LAMA2: variants seen among roughly 807,000 people sequenced by gnomAD.
LAMA2 encodes the protein laminin subunit alpha-2.
LAMA2 carries 269 observed loss-of-function variants against 364.8 expected under a neutral mutation model. The ratio of observed to expected loss-of-function variants is 0.74; its 90% CI spans 0.67 to 0.82. The LOEUF is 0.82. LAMA2 is among the 40% of genes least tolerant of loss of function. The pLI is 0.00. For synonymous variants in LAMA2, 1,379 were observed against 1,370.6 expected, an observed-to-expected ratio of 1.01 and a Z score of -0.14; for missense variants, 3,807 against 3,873.2, an observed-to-expected ratio of 0.98 and a Z score of 0.45.
intron 2 of LAMA2, among the ~76,000 whole-genome samples, chr6:129,053,164 C>T (rs1008839183): frequency 3.9e-5 from 6 of 152,162 alleles, no homozygotes; most frequent in South Asian, 2.1e-4. Context: ...CCGCAACCTC[C>T]GCCTCCCGGG....
At chr6:129,272,438 T>G (rs561018326) in intron 17 of LAMA2, among the ~76,000 whole-genome samples, 4 of 152,178 alleles carry the variant, frequency 2.6e-5, no homozygotes, top group Non-Finnish European at 4.4e-5. Flanking sequence ...ATGAACCCAA[T>G]CTAAGAGCTG....
chr6:129,275,724 T>TAAA (rs5879937), intron 17 of LAMA2, among the ~76,000 whole-genome samples: 5 of 144,532 alleles, frequency 3.5e-5, no homozygotes, highest in South Asian at 4.3e-4. Context: ...TAAAAATTTG[T>TAAA]AAAAAAAAAA....
chr6:129,231,075 C>A (rs541230062), intron 12 of LAMA2, among the ~76,000 whole-genome samples: 1 of 152,096 alleles, frequency 6.6e-6, no homozygotes, highest in African/African-American at 2.4e-5. Context: ...GTATATAATC[C>A]TTGACAGTGC....
intron 9 of LAMA2, among the ~76,000 whole-genome samples, chr6:129,175,263 C>G (rs1388013284): frequency 1.3e-5 from 2 of 152,142 alleles, no homozygotes; most frequent in Non-Finnish European, 2.9e-5. Flanking sequence ...CAGACACCCA[C>G]CAGTTGTGCT....
intron 40 of LAMA2, among the ~76,000 whole-genome samples, chr6:129,421,543 C>T (rs1318140727): frequency 6.6e-6 from 1 of 152,112 alleles, no homozygotes; most frequent in East Asian, 1.9e-4. Flanking sequence ...AATGCTGCTT[C>T]ATCACCTGTC....
At chr6:129,155,050 C>T (rs1779027890) in intron 8 of LAMA2, among the ~76,000 whole-genome samples, 1 of 152,088 alleles carries the variant, frequency 6.6e-6, no homozygotes, top group African/African-American at 2.4e-5. Context: ...AAGATTTATC[C>T]ATGTTGTTTG....
chr6:129,505,295 C>T lies in LAMA2; in HGVS notation c.8643C>T (p.Val2881=), dbSNP rs774742319. ...ISPKKADILD[V]VGMLYVGGLP... ...CCAAAAAAGCCGACATCCTGGATGT[C>T]GTGGGAATGCTGTATGTTGGTGGGT... The change falls in exon 61 of 65, where the codon GTC becomes GTT. Residue 2881 remains valine, a synonymous_variant. Transcript: ENST00000421865. 3.1e-6 allele frequency: 5 copies of T among 1,613,650 alleles called. No homozygotes were observed. The highest frequency in any genetic ancestry group is 2.2e-5 in the East Asian group (1 of 44,868).
In LAMA2 at chr6:129,132,307, C is replaced by T. The variant is rs1238221173; in HGVS notation, c.640-11594C>T. 6.7e-4 allele frequency among the ~76,000 whole-genome samples: 102 copies of T among 152,064 alleles called. 1 individual carries two copies. The highest frequency in any genetic ancestry group is 2.2e-4 in the Non-Finnish European group (15 of 68,024). On this transcript the variant is annotated intron_variant, in intron 4 of 64. Transcript: ENST00000421865. The stretch of plus-strand genomic sequence containing the variant: ...TCAGCCTCCTGAGTAGCTAGGACTA[C>T]AGGCGCCCGCCACCACGCCTGGCTA...
chr6:129,340,280 AT>A (rs1463259905), intron 29 of LAMA2, among the ~76,000 whole-genome samples: 1 of 152,162 alleles, frequency 6.6e-6, no homozygotes, highest in Non-Finnish European at 1.5e-5. Context: ...TTGTCAAGCA[AT>A]TTGAGACCTC....
chr6:129,167,008 C>A (rs1779784486), intron 9 of LAMA2, among the ~76,000 whole-genome samples: 1 of 151,916 alleles, frequency 6.6e-6, no homozygotes, highest in Admixed American at 6.6e-5. Context: ...AATACTTATT[C>A]CATATAATTA....
intron 1 of LAMA2, among the ~76,000 whole-genome samples, chr6:128,911,931 T>A (rs1777994649): frequency 6.6e-6 from 1 of 152,206 alleles, no homozygotes; most frequent in African/African-American, 2.4e-5. Context: ...TTTCACCCAG[T>A]CTACTGTCTG....
chr6:129,371,692 C>T (rs139517689), intron 34 of LAMA2, among the ~76,000 whole-genome samples: 23 of 151,554 alleles, frequency 1.5e-4, no homozygotes, highest in Admixed American at 7.9e-4. Flanking sequence ...CTGCAACCTC[C>T]GCCTCCCGGG....
At chr6:129,505,441 C>T (rs918612224) in intron 61 of LAMA2, 86 bp downstream of exon 61, 10 of 1,032,822 alleles carry the variant, frequency 9.7e-6, no homozygotes, top group Middle Eastern at 2.4e-4. Context: ...CACATGGGCC[C>T]ATGAAAACTG....
At chr6:129,024,470 G>C (rs1785670141) in intron 1 of LAMA2, among the ~76,000 whole-genome samples, 1 of 146,744 alleles carries the variant, frequency 6.8e-6, no homozygotes, top group African/African-American at 2.5e-5. Context: ...TGCAACCTCT[G>C]CCTCCCAGGT....
At position 129,077,835 on chromosome 6, in the gene LAMA2, C is replaced by T. The variant is rs934773972; in HGVS notation, c.396+17939C>T. Among the ~76,000 whole-genome samples, 15 of 152,288 alleles carry T rather than the reference C, an allele frequency of 9.8e-5. 1 individual carries two copies. The highest frequency in any genetic ancestry group is 8.5e-4 in the Admixed American group (13 of 15,294). On this transcript the variant is annotated intron_variant, in intron 3 of 64. Transcript: ENST00000421865. ...GGCTGACAATCAAGACACTATTTCT[C>T]ACTTTCTTTAAAACTAAATCAGGAT...
intron 16 of LAMA2, among the ~76,000 whole-genome samples, chr6:129,268,900 A>G (rs1787720306): frequency 1.3e-5 from 2 of 152,062 alleles, no homozygotes; most frequent in Admixed American, 6.6e-5. Context: ...CTGATATTCC[A>G]TTTTGAGTAT....
At chr6:128,986,956 T>C (rs1314327706) in intron 1 of LAMA2, among the ~76,000 whole-genome samples, 5 of 152,054 alleles carry the variant, frequency 3.3e-5, no homozygotes, top group African/African-American at 1.2e-4. Flanking sequence ...GTAACCATTT[T>C]ATTTAGGGTT....
At chr6:129,411,748 A>T (rs1249771921) in intron 40 of LAMA2, among the ~76,000 whole-genome samples, 4 of 152,214 alleles carry the variant, frequency 2.6e-5, no homozygotes, top group African/African-American at 9.6e-5. Context: ...TCATTCACTG[A>T]ACTATAATAA....
intron 40 of LAMA2, among the ~76,000 whole-genome samples, chr6:129,410,714 T>TAGATAGA (rs1780493328): frequency 1.3e-5 from 2 of 150,298 alleles, no homozygotes; most frequent in Non-Finnish European, 3.0e-5. Context: ...GATAGACAGA[T>TAGATAGA]TAGATAGATA....
Sources: allele counts gnomAD v4.1 joint callset (sites outside exome capture counted in the v4.1 genomes callset), GRCh38; gene constraint gnomAD v4.1.1; transcripts MANE v1.5; gene names NCBI Gene and HGNC (gene_info 2026-07-23, HGNC 2026-07-21).